Variants in TTLL5 observed in about 807,000 individuals in gnomAD.
TTLL5 encodes tubulin tyrosine ligase like 5, also known as tubulin polyglutamylase TTLL5.
In TTLL5, 132 loss-of-function variants were observed where a neutral mutation model predicts 168.4. The observed-to-expected ratio is 0.78, with a 90% CI of 0.68 to 0.91. The LOEUF (loss-of-function observed/expected upper bound fraction) is 0.91. Among genes scored for constraint, TTLL5 ranks in the 40% least tolerant of loss-of-function variants. TTLL5 has a pLI of 0.00. For synonymous variants in TTLL5, 546 were observed against 558.6 expected, an observed-to-expected ratio of 0.98 and a Z score of 0.32; for missense variants, 1,545 against 1,581.5, an observed-to-expected ratio of 0.98 and a Z score of 0.39.
intron 27 of TTLL5, among the ~76,000 whole-genome samples, chr14:75,803,746 C>T (rs1053378986): frequency 1.3e-5 from 2 of 152,160 alleles, no homozygotes; most frequent in African/African-American, 2.4e-5. Flanking sequence ...ACTGAGCTTC[C>T]GTGTGAAGTC....
intron 7 of TTLL5, 120 bp downstream of exon 7, chr14:75,699,390 C>T (rs1312181055): frequency 1.1e-6 from 1 of 903,570 alleles, no homozygotes; most frequent in Non-Finnish European, 1.7e-6. Context: ...CTTAAATCTG[C>T]ATTCAGAAGT....
At chr14:75,699,612 A>G (rs1310761256) in intron 7 of TTLL5, among the ~76,000 whole-genome samples, 31 of 152,172 alleles carry the variant, frequency 2.0e-4, no homozygotes, top group Admixed American at 2.0e-3. Context: ...TGTGTTTAGC[A>G]TCTGTTGTGA....
chr14:75,757,787 C>T, intron 18 of TTLL5: 2 of 1,551,730 alleles, frequency 1.3e-6, no homozygotes, highest in Non-Finnish European at 1.7e-6. Flanking sequence ...GAGAGACTAC[C>T]TGAATAGCAT....
At chr14:75,926,754 G>T (rs563406370) in intron 31 of TTLL5, among the ~76,000 whole-genome samples, 7 of 152,316 alleles carry the variant, frequency 4.6e-5, no homozygotes, top group African/African-American at 1.7e-4. Flanking sequence ...CAGTTTGGCA[G>T]TTCCTGAAAC....
chr14:75,682,920 C>G (rs1884735974), intron 4 of TTLL5, among the ~76,000 whole-genome samples: 1 of 151,896 alleles, frequency 6.6e-6, no homozygotes, highest in Admixed American at 6.6e-5. Context: ...GTGCATGGCA[C>G]CACTCCTGGC....
chr14:75,821,249 C>T (rs140350448), intron 28 of TTLL5, among the ~76,000 whole-genome samples: 4 of 152,174 alleles, frequency 2.6e-5, no homozygotes, highest in East Asian at 3.9e-4. Context: ...TCATTGTGGT[C>T]GGGGCGAAAA....
At chr14:75,890,994 C>T (rs575912599) in intron 30 of TTLL5, among the ~76,000 whole-genome samples, 121 of 152,324 alleles carry the variant, frequency 7.9e-4, no homozygotes, top group Admixed American at 3.3e-3. Flanking sequence ...GCTGGGATTA[C>T]AGGCGTGAGC....
intron 30 of TTLL5, among the ~76,000 whole-genome samples, chr14:75,884,975 C>T (rs1044898291): frequency 6.7e-6 from 1 of 150,314 alleles, no homozygotes; most frequent in Non-Finnish European, 1.5e-5. Context: ...TCGAGACCAT[C>T]CTGGCCAACA....
intron 29 of TTLL5, among the ~76,000 whole-genome samples, chr14:75,878,180 A>G (rs955607492): frequency 6.6e-6 from 1 of 152,196 alleles, no homozygotes; most frequent in Non-Finnish European, 1.5e-5. Flanking sequence ...AATCTGTGGT[A>G]GATTGAGAAT....
chr14:75,737,139 A>G (rs1429429678), intron 15 of TTLL5, among the ~76,000 whole-genome samples: 1 of 152,018 alleles, frequency 6.6e-6, no homozygotes, highest in African/African-American at 2.4e-5. Flanking sequence ...TTTATTGGCA[A>G]CTCTTTGCAA....
chr14:75,699,188 A>T lies in TTLL5; in HGVS notation c.503A>T (p.Asn168Ile), dbSNP rs1886083394. 1 of 1,613,152 alleles carries T rather than the reference A, an allele frequency of 6.2e-7. No individual in the cohort carries two copies. The highest frequency in any genetic ancestry group is 8.5e-7 in the Non-Finnish European group (1 of 1,179,362). The change falls in exon 7 of 32, where the codon AAT (asparagine) becomes ATT (isoleucine). Residue 168 changes from asparagine to isoleucine, a missense_variant and splice_region_variant. Coordinates refer to ENST00000298832, the MANE Select transcript of TTLL5 (RefSeq NM_015072.5). ...TTTTATCTCCCAATATTTTGAGCAGATTCATATTCGAAGGACCGGGGACCT... is the reference window on the plus strand; with the variant it reads ...TTTTATCTCCCAATATTTTGAGCAGTTTCATATTCGAAGGACCGGGGACCT... Reference protein sequence around the residue: ...LLPAEYAEFCNSYSKDRGPWI... With the variant: ...LLPAEYAEFCISYSKDRGPWI...
At chr14:75,751,506 A>G (rs578238948) in intron 17 of TTLL5, among the ~76,000 whole-genome samples, 1 of 152,306 alleles carries the variant, frequency 6.6e-6, no homozygotes, top group East Asian at 1.9e-4. Flanking sequence ...GGACAAAGGG[A>G]TGATCCACAT....
chr14:75,928,632 G>A (rs1023102365), intron 31 of TTLL5, among the ~76,000 whole-genome samples: 3 of 151,914 alleles, frequency 2.0e-5, no homozygotes, highest in African/African-American at 4.8e-5. Flanking sequence ...TCCTAATGGC[G>A]TGAGGACAGA....
intron 28 of TTLL5, among the ~76,000 whole-genome samples, chr14:75,842,504 G>A (rs1308922370): frequency 1.3e-5 from 2 of 152,092 alleles, no homozygotes; most frequent in African/African-American, 2.4e-5. Context: ...TTCCCTCCAC[G>A]CTGCTTAGGT....
intron 14 of TTLL5, 126 bp downstream of exon 14, chr14:75,734,176 T>A: frequency 1.2e-6 from 1 of 860,822 alleles, no homozygotes. Flanking sequence ...TACTAAAAAA[T>A]TATATTTTCA....
chr14:75,690,815 T>C (rs1202705167), intron 6 of TTLL5, among the ~76,000 whole-genome samples: 2 of 152,170 alleles, frequency 1.3e-5, no homozygotes, highest in Admixed American at 6.6e-5. Context: ...AGATGGGATC[T>C]CGCTCTGTTG....
chr14:75,692,687 G>A (rs1885547289), intron 6 of TTLL5, among the ~76,000 whole-genome samples: 1 of 152,142 alleles, frequency 6.6e-6, no homozygotes, highest in African/African-American at 2.4e-5. Context: ...CCTGTGTATG[G>A]GGAGCGAGGC....
At chr14:75,875,270 G>C (rs1370922069) in intron 29 of TTLL5, among the ~76,000 whole-genome samples, 1 of 149,966 alleles carries the variant, frequency 6.7e-6, no homozygotes, top group Non-Finnish European at 1.5e-5. Flanking sequence ...TGGGCTGGGC[G>C]TAGTGGCTCA....
intron 31 of TTLL5, chr14:75,930,455 G>A (rs1418570657): frequency 2.4e-6 from 1 of 409,938 alleles, no homozygotes; most frequent in Admixed American, 6.4e-5. Context: ...TTCAGATTAG[G>A]GATGTTCAAC....
Sources: gnomAD v4.1 joint callset for allele counts (sites outside exome capture counted in the v4.1 genomes callset) on GRCh38, gnomAD v4.1.1 for gene constraint, MANE v1.5 for transcripts, NCBI Gene and HGNC (gene_info 2026-07-23, HGNC 2026-07-21) for gene names.